The following BNIP5 variants were observed in gnomAD, a reference collection of about 807,000 sequenced individuals.
The protein encoded by BNIP5 is protein BNIP5.
Under a neutral mutation model 67.3 loss-of-function variants are expected in BNIP5, and 61 were observed. The observed-to-expected ratio is 0.91, with a 90% confidence interval of 0.74 to 1.12. The LOEUF (loss-of-function observed/expected upper bound fraction) is 1.12, where lower values mean the gene tolerates loss of function less well. BNIP5 is among the 50% of genes most tolerant of loss of function. The pLI, the probability that BNIP5 is intolerant of heterozygous loss-of-function variation, is 0.00. For missense variants in BNIP5, 826 were observed against 816.3 expected (o/e 1.01, Z -0.14); for synonymous variants, 317 against 319.0 (o/e 0.99, Z 0.07).
chr6:36,319,051 G>A (rs960724934), intron 11 of BNIP5, among the ~76,000 whole-genome samples: 7 of 152,214 alleles, frequency 4.6e-5, no homozygotes, highest in African/African-American at 1.2e-4. Context: ...AGCTAAGATC[G>A]TAGCCAGTCC....
Position 36,322,410 on chromosome 6 carries a change from G to A in BNIP5, c.1504C>T (p.Pro502Ser), listed in dbSNP as rs1270287708. ...ATCACAACTGGCTCCCCTTCTGCGG[G>A]CAGGGGCTCCCGGCACTCGAGATCT... ...PEDLECREPL[P>S]AEGEPVVISE... is the part of the protein sequence containing the mutation. The change falls in exon 9 of 12, where the codon CCC becomes TCC. Residue 502 changes from proline (P) to serine (S), a missense_variant. Transcript: ENST00000437635. 1.2e-6 allele frequency: 2 copies of A among 1,613,988 alleles called. No individual in the cohort carries two copies.
intron 6 of BNIP5, among the ~76,000 whole-genome samples, chr6:36,324,693 G>T (rs1020911541): frequency 1.5e-5 from 2 of 131,116 alleles, no homozygotes; most frequent in South Asian, 2.6e-4. Context: ...TAATTACAGC[G>T]ATGGCAGCTG....
chr6:36,329,743 G>A (rs1771841492), intron 2 of BNIP5, among the ~76,000 whole-genome samples: 1 of 152,034 alleles, frequency 6.6e-6, no homozygotes, highest in Non-Finnish European at 1.5e-5. Context: ...CCCTGGAGGA[G>A]GAGCTTGCAG....
intron 3 of BNIP5, 106 bp from the exon 4 acceptor site, chr6:36,327,200 A>C (rs1254090746): frequency 5.1e-6 from 5 of 980,466 alleles, no homozygotes; most frequent in Non-Finnish European, 6.3e-6. Context: ...AGGCCACACA[A>C]TGGAGGGAAA....
Position 36,318,547 on chromosome 6 carries a change from CA to C in BNIP5, c.1923+808del, listed in dbSNP as rs77618541. 5.9e-3 allele frequency among the ~76,000 whole-genome samples: 768 copies of C among 129,898 alleles called. 4 individuals are homozygous for C. The highest frequency in any genetic ancestry group is 0.032 in the East Asian group (146 of 4,616). 85.2% of individuals were successfully genotyped at this position (129,898 alleles called of 152,430 possible). ...ACATAGTGAGAATCCATCTCTATAC[CA>C]AAAAAAAAAAAAAGAAAATTTAAAT... On this transcript the variant is annotated intron_variant, in intron 11 of 11. Transcript: ENST00000437635.
chr6:36,323,672 G>A (rs1220568041), intron 7 of BNIP5, 139 bp from the exon 8 acceptor site: 4 of 974,532 alleles, frequency 4.1e-6, no homozygotes, highest in East Asian at 4.8e-5. Flanking sequence ...GGGGAAATAT[G>A]TGTGGTCTGG....
intron 7 of BNIP5, 108 bp from the exon 8 acceptor site, chr6:36,323,641 G>C (rs1009328122): frequency 6.2e-6 from 8 of 1,284,082 alleles, no homozygotes; most frequent in South Asian, 1.3e-5. Context: ...GCCCAGAGAA[G>C]AGTGGTTGAT....
At position 36,327,308 on chromosome 6, in the gene BNIP5, A is replaced by G. The variant is rs55795346; in HGVS notation, c.728-214T>C. 5.2e-3 allele frequency among the ~76,000 whole-genome samples: 795 copies of G among 152,360 alleles called. 7 individuals carry two copies. The highest frequency in any genetic ancestry group is 0.018 in the African/African-American group (743 of 41,582). On this transcript the variant is annotated intron_variant, in intron 3 of 11. Transcript: ENST00000437635. Reference sequence around the variant, plus strand: ...CATGACACTTTATGCAGGAAATTTCAGGTCAGCCCTTCAGGCATTCAACCT... The same window carrying G: ...CATGACACTTTATGCAGGAAATTTCGGGTCAGCCCTTCAGGCATTCAACCT...
Position 36,317,145 on chromosome 6 carries a change from C to G in BNIP5, c.*211G>C, listed in dbSNP as rs910277890. The stretch of plus-strand genomic sequence containing the variant: ...CTCATTCCCAGTCCAGTGCTGATTT[C>G]CCCAGACATGGCCTCTGTGTCTTGC... On this transcript the variant is annotated 3_prime_UTR_variant, in exon 12 of 12. Transcript: ENST00000437635. 6.6e-6 allele frequency: 4 copies of G among 607,636 alleles called. No homozygotes were observed. Among genetic ancestry groups the G allele is most frequent in the Non-Finnish European group, 1.2e-5 (4 of 341,206 alleles). 37.6% of individuals were successfully genotyped at this position (607,636 alleles called of 1,614,324 possible).
chr6:36,324,991 A>G (rs377497721), intron 6 of BNIP5, among the ~76,000 whole-genome samples: 2 of 152,142 alleles, frequency 1.3e-5, no homozygotes, highest in African/African-American at 2.4e-5. Flanking sequence ...ACCAAGGTCC[A>G]TAAGATCACC....
rs769214707 is a variant in BNIP5, at chr6:36,330,082, C to T, written c.609G>A (p.Arg203=). 1 of 1,600,388 alleles carries T rather than the reference C, an allele frequency of 6.2e-7. No homozygotes were observed. The highest frequency in any genetic ancestry group is 1.3e-5 in the African/African-American group (1 of 74,600). Residue 203 remains arginine, a splice_region_variant and synonymous_variant, in exon 2 of 12, where the codon AGG becomes AGA. Transcript: ENST00000437635. ...SGEADLGPAR[R]GGEDSDHQSF... ...TAGGAACAGGCACGGTCCGCTCACC[C>T]CTGCGAGCTGGGCCCAGGTCAGCCT...
intron 3 of BNIP5, 128 bp downstream of exon 3, chr6:36,328,470 A>C (rs1771811954): frequency 3.2e-6 from 2 of 615,408 alleles, no homozygotes; most frequent in Non-Finnish European, 6.0e-6. Context: ...AAAAGAGGCA[A>C]GAAAGGCCAG....
chr6:36,329,155 TCCTGATGGAG>T lies in BNIP5; in HGVS notation c.611-451_611-442del, dbSNP rs1475578243. On this transcript the variant is annotated intron_variant, in intron 2 of 11. Transcript: ENST00000437635. ...GCTCAAGGTCACACAGCAAGTTTACTCCTGATGGAGCCAAGTCTAGAACCAAGGCCTGGAA... is the reference window on the plus strand; with the variant it reads ...GCTCAAGGTCACACAGCAAGTTTACTCCAAGTCTAGAACCAAGGCCTGGAA... 5.9e-5 allele frequency among the ~76,000 whole-genome samples: 9 copies of T among 152,310 alleles called. No homozygotes were observed. The East Asian group carries it at 1.7e-3, about 29-fold the overall frequency.
chr6:36,323,088 G>A (rs568346432), intron 8 of BNIP5, among the ~76,000 whole-genome samples: 1 of 152,322 alleles, frequency 6.6e-6, no homozygotes, highest in South Asian at 2.1e-4. Flanking sequence ...GGCCTACTGG[G>A]GGTGGGGTCC....
chr6:36,323,312 G>C lies in BNIP5; in HGVS notation c.1452C>G (p.Pro484=). 1 of 1,614,246 alleles carries C rather than the reference G, an allele frequency of 6.2e-7. No homozygotes were observed. Among genetic ancestry groups the C allele is most frequent in the South Asian group, 1.1e-5 (1 of 91,082 alleles). The change falls in exon 8 of 12, where the codon CCC becomes CCG. Residue 484 remains proline, a synonymous_variant. Transcript: ENST00000437635. ...GCTCACCAAGGCTGCTGGAGGTGGAGGGCCGATGGCCACCAACACACAGGG... is the reference window on the plus strand; with the variant it reads ...GCTCACCAAGGCTGCTGGAGGTGGACGGCCGATGGCCACCAACACACAGGG... The part of the protein sequence containing the change: ...FLPLCVGGHR[P]STSSSLDPED...
chr6:36,326,669 G>A lies in BNIP5; in HGVS notation c.877C>T (p.Leu293Phe), dbSNP rs746348367. 6.2e-6 allele frequency: 10 copies of A among 1,614,122 alleles called. No individual in the cohort carries two copies. The South Asian group carries it at 6.6e-5, about 11-fold the overall frequency. ...RKKSQEKKTSLKRTSKTNPKK... is the reference protein window; with the variant it reads ...RKKSQEKKTSFKRTSKTNPKK... ...GGGTTTGTCTTTGAGGTTCTCTTGA[G>A]GCTTGTCTTTTTCTCTTGGGATTTC... is the stretch of plus-strand genomic sequence containing the variant. Residue 293 changes from leucine (L) to phenylalanine (F), a missense_variant, in exon 5 of 12, where the codon CTC becomes TTC. By Grantham distance (22) the Leu-to-Phe change is conservative. Transcript: ENST00000437635.
At position 36,326,646 on chromosome 6, in the gene BNIP5, G is replaced by C. The variant is rs138732261; in HGVS notation, c.900C>G (p.Asn300Lys). 67 of 1,614,146 alleles carry C rather than the reference G, an allele frequency of 4.2e-5. No individual in the cohort carries two copies. In the African/African-American group the frequency reaches 8.3e-4, roughly 20 times the overall value. Reference protein sequence around the residue: ...KTSLKRTSKTNPKKHGSEEAK... With the variant: ...KTSLKRTSKTKPKKHGSEEAK... ...CCTCCTCGGAGCCGTGTTTCTTGGG[G>C]TTTGTCTTTGAGGTTCTCTTGAGGC... Residue 300 changes from asparagine (N) to lysine (K), a missense_variant, in exon 5 of 12, where the codon AAC (asparagine) becomes AAG (lysine). Asn to Lys is a moderately conservative substitution (Grantham distance 94). Transcript: ENST00000437635.
At chr6:36,319,181 A>T (rs1771578917) in intron 11 of BNIP5, among the ~76,000 whole-genome samples, 175 bp downstream of exon 11, 1 of 152,206 alleles carries the variant, frequency 6.6e-6, no homozygotes, top group Non-Finnish European at 1.5e-5. Context: ...AAAGGTTGTC[A>T]TGGTTTAGAA....
At chr6:36,322,204 G>A in intron 9 of BNIP5, 107 bp downstream of exon 9, 2 of 1,431,112 alleles carry the variant, frequency 1.4e-6, no homozygotes, top group Non-Finnish European at 9.8e-7. Context: ...TTTGCCTGCT[G>A]CCTTCCCCAT....
Sources: gnomAD v4.1 joint callset for allele counts (sites outside exome capture counted in the v4.1 genomes callset) on GRCh38, gnomAD v4.1.1 for gene constraint, MANE v1.5 for transcripts, NCBI Gene and HGNC (gene_info 2026-07-23, HGNC 2026-07-21) for gene names.